Variants in ACCSL observed in about 807,000 individuals in gnomAD.
ACCSL encodes 1-aminocyclopropane-1-carboxylate synthase homolog (inactive) like.
ACCSL carries 55 observed loss-of-function variants against 61.7 expected under a neutral mutation model. The ratio of observed to expected loss-of-function variants is 0.89; its 90% CI spans 0.72 to 1.12. The LOEUF is 1.12. Among genes scored for constraint, ACCSL ranks in the 50% most tolerant of loss-of-function variants. The probability of loss-of-function intolerance (pLI) is 0.00; values close to 1 mark genes in which losing one functional copy is unlikely to be tolerated. For missense variants in ACCSL, 632 were observed against 698.0 expected, an observed-to-expected ratio of 0.91 and a Z score of 1.07; for synonymous variants, 258 against 264.3, an observed-to-expected ratio of 0.98 and a Z score of 0.23.
chr11:44,007,483 C>T, the ACCSL span, among the ~76,000 whole-genome samples: 1 of 152,188 alleles, frequency 6.6e-6, no homozygotes, highest in African/African-American at 2.4e-5. Context: ...ACCTCTAGGC[C>T]ACTGTGCAGT....
the ACCSL span, among the ~76,000 whole-genome samples, chr11:44,000,470 G>T: frequency 2.0e-5 from 3 of 149,950 alleles, no homozygotes; most frequent in African/African-American, 7.3e-5. Flanking sequence ...GTGTGGCAGT[G>T]TGCTGAGATC....
At chr11:44,051,546 G>A in intron 4 of ACCSL, 107 bp from the exon 5 acceptor site, 1 of 1,541,828 alleles carries the variant, frequency 6.5e-7, no homozygotes, top group South Asian at 1.1e-5. Context: ...TGTCCCAACT[G>A]AGGAGGCTCC....
chr11:44,014,336 C>A, the ACCSL span, among the ~76,000 whole-genome samples: 1 of 152,154 alleles, frequency 6.6e-6, no homozygotes, highest in African/African-American at 2.4e-5. Context: ...TCCAGGCTCA[C>A]TCTGTGGCCC....
chr11:43,930,979 C>T, the ACCSL span, among the ~76,000 whole-genome samples: 1 of 152,184 alleles, frequency 6.6e-6, no homozygotes. Context: ...GTTGATGAGC[C>T]ACACTCCGTG....
At chr11:43,982,746 G>T in the ACCSL span, among the ~76,000 whole-genome samples, 4 of 152,310 alleles carry the variant, frequency 2.6e-5, no homozygotes, top group East Asian at 7.7e-4. Context: ...ATTGCTGAAG[G>T]ATCTGGAAGT....
At chr11:44,040,852 G>A in the ACCSL span, among the ~76,000 whole-genome samples, 9,262 of 152,184 alleles carry the variant, frequency 0.061, 528 homozygotes, top group African/African-American at 0.14. Flanking sequence ...GAGTATGTGC[G>A]CCCTTCCAGG....
chr11:43,921,766 T>C, the ACCSL span, among the ~76,000 whole-genome samples: 3 of 152,224 alleles, frequency 2.0e-5, no homozygotes, highest in African/African-American at 7.2e-5. Context: ...CTACAGCAGA[T>C]GGAGTGGGCC....
the ACCSL span, among the ~76,000 whole-genome samples, chr11:44,035,936 TAAA>T: frequency 7.6e-5 from 6 of 79,046 alleles, no homozygotes; most frequent in Admixed American, 1.5e-4. Flanking sequence ...AGACTCTGTG[TAAA>T]AAAAAAAAAA....
chr11:44,012,204 A>T, the ACCSL span, among the ~76,000 whole-genome samples: 325 of 152,106 alleles, frequency 2.1e-3, 2 homozygotes, highest in African/African-American at 7.4e-3. Context: ...CTTTGTGCTC[A>T]GTCTTCCAGA....
At chr11:44,057,735 T>G (rs970517012) in intron 11 of ACCSL, among the ~76,000 whole-genome samples, 26 of 151,860 alleles carry the variant, frequency 1.7e-4, no homozygotes, top group African/African-American at 5.6e-4. Context: ...TATTAGGGGA[T>G]TGACTCCTTG....
At chr11:43,930,961 T>A in the ACCSL span, among the ~76,000 whole-genome samples, 15 of 152,330 alleles carry the variant, frequency 9.8e-5, 1 homozygote. Flanking sequence ...AAACTGATTG[T>A]ACAGCCCGTT....
chr11:43,943,310 G>T, the ACCSL span: 1 of 1,443,534 alleles, frequency 6.9e-7, no homozygotes, highest in Non-Finnish European at 9.1e-7. The surrounding 1 kb of genome is among the most constrained non-coding windows in gnomAD (Gnocchi z 4.8). Context: ...CGCGTCCGCG[G>T]TCCGCGCGGG....
chr11:44,006,011 C>G, the ACCSL span, among the ~76,000 whole-genome samples: 2 of 152,212 alleles, frequency 1.3e-5, no homozygotes, highest in Admixed American at 6.5e-5. Flanking sequence ...CCCATCTTTT[C>G]TGTGGCCTAG....
upstream of ACCSL, among the ~76,000 whole-genome samples, chr11:44,047,106 A>G (rs747677483): frequency 6.6e-5 from 10 of 152,182 alleles, no homozygotes; most frequent in Non-Finnish European, 1.3e-4. Context: ...GTCTCACCCC[A>G]GACATACTGA....
At chr11:43,977,119 C>T in the ACCSL span, among the ~76,000 whole-genome samples, 1 of 152,250 alleles carries the variant, frequency 6.6e-6, no homozygotes, top group East Asian at 1.9e-4. Flanking sequence ...TCAGTTTCTC[C>T]ATCCTCATGC....
At chr11:43,938,709 G>A in the ACCSL span, among the ~76,000 whole-genome samples, 2 of 152,046 alleles carry the variant, frequency 1.3e-5, no homozygotes, top group East Asian at 3.9e-4. Flanking sequence ...AGGCTGAGGT[G>A]GAAGAATTGC....
chr11:44,030,057 A>ATTT, the ACCSL span, among the ~76,000 whole-genome samples: 44 of 4,454 alleles, frequency 9.9e-3, 15 homozygotes, highest in African/African-American at 0.013. Context: ...TCTTTGGTTG[A>ATTT]TTTTTTTTTT....
chr11:43,968,989 T>G, the ACCSL span, among the ~76,000 whole-genome samples: 1 of 152,182 alleles, frequency 6.6e-6, no homozygotes, highest in Non-Finnish European at 1.5e-5. Flanking sequence ...ATTCCTACTT[T>G]CACTTACTTT....
chr11:43,935,222 G>A, the ACCSL span, among the ~76,000 whole-genome samples: 1 of 152,156 alleles, frequency 6.6e-6, no homozygotes, highest in Admixed American at 6.5e-5. Flanking sequence ...TGGAAGCAAT[G>A]GTTCAAGGCC....
Sources: gnomAD v4.1 joint callset for allele counts (sites outside exome capture counted in the v4.1 genomes callset) on GRCh38, gnomAD v4.1.1 for gene constraint, Gnocchi (gnomAD v3.1) non-coding constraint, MANE v1.5 for transcripts, NCBI Gene and HGNC (gene_info 2026-07-23, HGNC 2026-07-21) for gene names.